The following ARL15 variants were observed in gnomAD, a reference collection of about 807,000 sequenced individuals.
ARL15 encodes ARF like GTPase 15.
In ARL15, 19 loss-of-function variants were observed where a neutral mutation model predicts 25.2. The observed-to-expected ratio is 0.75, with a 90% confidence interval of 0.53 to 1.10. The LOEUF (loss-of-function observed/expected upper bound fraction) is 1.10. Ranked by LOEUF, ARL15 falls within the 50% of genes least tolerant of loss-of-function variation. The pLI, the probability that ARL15 is intolerant of heterozygous loss-of-function variation, is 0.00. For synonymous variants in ARL15, 94 were observed against 86.8 expected, an observed-to-expected ratio of 1.08 and a Z score of -0.46; for missense variants, 220 against 246.0, an observed-to-expected ratio of 0.89 and a Z score of 0.71.
In ARL15 at chr5:53,899,288, C is replaced by A. The variant is rs564473326; in HGVS notation, c.463-12575G>T. Among the ~76,000 whole-genome samples the A allele has an allele frequency of 1.0e-4, 14 of 137,082 alleles. No individual in the cohort carries two copies. In the East Asian group the frequency reaches 3.5e-3, roughly 34 times the overall value. 89.9% of individuals were successfully genotyped at this position (137,082 alleles called of 152,430 possible). On this transcript the variant is annotated intron_variant, in intron 4 of 4. Coordinates refer to ENST00000504924, the MANE Select transcript of ARL15 (RefSeq NM_019087.3). ...GCTTGAACCTGGGAGGCAGAGATTG[C>A]AGTGAGCTGGGATCATGCCACTGCA...
chr5:54,310,317 C>T, intron 1 of ARL15, 115 bp downstream of exon 1: 1 of 1,224,174 alleles, frequency 8.2e-7, no homozygotes, highest in Admixed American at 2.5e-5. Flanking sequence ...GGAGAAAGAA[C>T]CCCAGAGGCA....
chr5:54,200,827 G>A (rs1357682808), intron 1 of ARL15, among the ~76,000 whole-genome samples: 1 of 152,096 alleles, frequency 6.6e-6, no homozygotes, highest in Non-Finnish European at 1.5e-5. Flanking sequence ...ACAGATAGGC[G>A]AAAACAACAA....
chr5:53,926,850 C>A (rs987239855), intron 4 of ARL15, among the ~76,000 whole-genome samples: 10 of 151,800 alleles, frequency 6.6e-5, no homozygotes, highest in Non-Finnish European at 1.5e-4. Flanking sequence ...GAAAACCCCC[C>A]ACAAAATTCA....
intron 1 of ARL15, among the ~76,000 whole-genome samples, chr5:54,257,015 C>G (rs1757388350): frequency 6.6e-6 from 1 of 152,138 alleles, no homozygotes; most frequent in Non-Finnish European, 1.5e-5. Context: ...AAAGAATTCC[C>G]CCTAAGAACT....
intron 4 of ARL15, among the ~76,000 whole-genome samples, chr5:54,081,626 C>G (rs141641944): frequency 5.6e-4 from 85 of 152,232 alleles, no homozygotes; most frequent in African/African-American, 1.9e-3. Flanking sequence ...TGCTTTTCCC[C>G]CTTTGTTCAG....
intron 3 of ARL15, among the ~76,000 whole-genome samples, chr5:54,134,952 C>T (rs370903993): frequency 6.6e-6 from 1 of 151,984 alleles, no homozygotes; most frequent in Non-Finnish European, 1.5e-5. Context: ...AGTAGACAGT[C>T]TGATACATGT....
In ARL15 at chr5:54,154,143, T is replaced by C. The variant is rs148248809; in HGVS notation, c.253+437A>G. On this transcript the variant is annotated intron_variant, in intron 3 of 4. Transcript: ENST00000504924. ...ATGTGCTTGGCCAGCAAAGAACCCA[T>C]TGGCAAAGATTTATTATCGGAACAA... Among the ~76,000 whole-genome samples, 652 of 152,310 alleles carry C rather than the reference T, an allele frequency of 4.3e-3. 4 individuals are homozygous for C. Among genetic ancestry groups the C allele is most frequent in the African/African-American group, 0.015 (609 of 41,554 alleles).
At position 54,310,559 on chromosome 5, in the gene ARL15, G is replaced by A; in HGVS notation, c.-80C>T. On this transcript the variant is annotated 5_prime_UTR_variant, in exon 1 of 5. Coordinates refer to ENST00000504924, the MANE Select transcript of ARL15 (RefSeq NM_019087.3). ...CTCTGGCTGCGAGCGAGCAGCTCCTGAAAAAGCCAGCAACAGCGAAAATAG... is the reference window on the plus strand; with the variant it reads ...CTCTGGCTGCGAGCGAGCAGCTCCTAAAAAAGCCAGCAACAGCGAAAATAG... The A allele has an allele frequency of 6.7e-7, 1 of 1,481,746 alleles. No homozygotes were observed. Among genetic ancestry groups the A allele is most frequent in the Non-Finnish European group, 9.2e-7 (1 of 1,092,266 alleles). 91.8% of individuals were successfully genotyped at this position (1,481,746 alleles called of 1,614,324 possible). A position where few individuals can be genotyped will look rare whatever the true frequency, so the allele number is the denominator to read the frequency against.
intron 1 of ARL15, among the ~76,000 whole-genome samples, chr5:54,182,665 G>T (rs1292621405): frequency 6.6e-6 from 1 of 151,138 alleles, no homozygotes; most frequent in Non-Finnish European, 1.5e-5. Context: ...CTTTAAAGTA[G>T]TTTTTTCCAA....
At chr5:53,904,063 T>C (rs1440178810) in intron 4 of ARL15, among the ~76,000 whole-genome samples, 1 of 152,208 alleles carries the variant, frequency 6.6e-6, no homozygotes, top group South Asian at 2.1e-4. Context: ...ATATATGGGT[T>C]AAATATAAAG....
intron 1 of ARL15, among the ~76,000 whole-genome samples, chr5:54,208,119 C>A (rs368590450): frequency 1.3e-5 from 2 of 152,116 alleles, no homozygotes; most frequent in Non-Finnish European, 2.9e-5. Context: ...TATCTAACTA[C>A]CCCAAGAGAG....
intron 4 of ARL15, among the ~76,000 whole-genome samples, chr5:53,901,521 A>G (rs1745062695): frequency 6.6e-6 from 1 of 152,194 alleles, no homozygotes; most frequent in Non-Finnish European, 1.5e-5. Flanking sequence ...TAAAGCTATC[A>G]GTATCTTATA....
intron 1 of ARL15, among the ~76,000 whole-genome samples, chr5:54,201,419 T>C (rs975626390): frequency 2.0e-5 from 3 of 152,080 alleles, no homozygotes; most frequent in African/African-American, 7.2e-5. Flanking sequence ...CCTAAACCCA[T>C]CTGTGCACTT....
intron 1 of ARL15, among the ~76,000 whole-genome samples, chr5:54,184,771 A>C (rs1157204715): frequency 1.3e-5 from 2 of 152,112 alleles, no homozygotes; most frequent in African/African-American, 4.8e-5. Flanking sequence ...ATTCCTATGA[A>C]TCTGTCCAAC....
At chr5:53,985,040 A>T (rs1036941137) in intron 4 of ARL15, among the ~76,000 whole-genome samples, 5 of 152,180 alleles carry the variant, frequency 3.3e-5, no homozygotes, top group African/African-American at 9.7e-5. Flanking sequence ...AAAGCTCACT[A>T]TCTAAATTAT....
chr5:54,094,713 A>T (rs1752233023), intron 4 of ARL15, among the ~76,000 whole-genome samples: 1 of 152,180 alleles, frequency 6.6e-6, no homozygotes, highest in Non-Finnish European at 1.5e-5. Context: ...CTGTACAGTG[A>T]CCAGGCCTGG....
At chr5:54,146,095 G>A (rs1753903011) in intron 3 of ARL15, among the ~76,000 whole-genome samples, 1 of 152,024 alleles carries the variant, frequency 6.6e-6, no homozygotes, top group South Asian at 2.1e-4. Context: ...AAACATCAGA[G>A]TGATAGGAAC....
intron 4 of ARL15, among the ~76,000 whole-genome samples, chr5:54,068,546 C>A (rs1381107378): frequency 6.6e-6 from 1 of 152,120 alleles, no homozygotes; most frequent in African/African-American, 2.4e-5. Context: ...TGACATAACC[C>A]TAGTGAAAGA....
intron 4 of ARL15, among the ~76,000 whole-genome samples, chr5:54,051,646 A>G (rs370893226): frequency 2.0e-5 from 3 of 152,230 alleles, no homozygotes; most frequent in African/African-American, 7.2e-5. Flanking sequence ...TAAAATAGCT[A>G]AAATTCAAAA....
Sources: gnomAD v4.1 joint callset for allele counts (sites outside exome capture counted in the v4.1 genomes callset) on GRCh38, gnomAD v4.1.1 for gene constraint, MANE v1.5 for transcripts, NCBI Gene and HGNC (gene_info 2026-07-23, HGNC 2026-07-21) for gene names.